The following LNX1 variants were observed in gnomAD, a reference collection of about 807,000 sequenced individuals.
The protein encoded by LNX1 is E3 ubiquitin-protein ligase LNX.
Under a neutral mutation model 68.4 loss-of-function variants are expected in LNX1, and 54 were observed. The ratio of observed to expected loss-of-function variants is 0.79; its 90% CI spans 0.63 to 0.99. The LOEUF is 0.99. Among genes scored for constraint, LNX1 ranks in the 50% least tolerant of loss-of-function variants. The pLI is 0.00. For missense variants in LNX1, 906 were observed against 926.4 expected, an observed-to-expected ratio of 0.98 and a Z score of 0.29; for synonymous variants, 336 against 350.0, an observed-to-expected ratio of 0.96 and a Z score of 0.45.
intron 9 of LNX1, among the ~76,000 whole-genome samples, chr4:53,472,419 A>G (rs574847423): frequency 6.6e-6 from 1 of 152,170 alleles, no homozygotes; most frequent in Non-Finnish European, 1.5e-5. Context: ...GCACACCAGC[A>G]TGGCACATGT....
chr4:53,593,733 A>G (rs1732619319), upstream of LNX1: 1 of 151,982 alleles, frequency 6.6e-6, no homozygotes, highest in African/African-American at 2.4e-5. Flanking sequence ...AAACTACTAG[A>G]AAAAAATGTA....
chr4:53,461,313 C>T (rs371432033), intron 10 of LNX1, 122 bp downstream of exon 10: 20 of 811,140 alleles, frequency 2.5e-5, no homozygotes, highest in Admixed American at 5.5e-5. Context: ...TTGAATGCTA[C>T]GTACATACTT....
intron 2 of LNX1, among the ~76,000 whole-genome samples, chr4:53,561,521 T>C (rs6854868): frequency 0.98 from 149,835 of 152,270 alleles, 73,766 homozygotes; most frequent in Middle Eastern, 1. Flanking sequence ...CCACTGTGCC[T>C]GGCCCTCCGT....
chr4:53,478,367 C>A (rs1723698730), intron 8 of LNX1, among the ~76,000 whole-genome samples, 198 bp downstream of exon 8: 1 of 150,658 alleles, frequency 6.6e-6, no homozygotes, highest in Admixed American at 6.6e-5. Flanking sequence ...TACTTGCAGG[C>A]AAGTTGGCCT....
At chr4:53,472,757 C>T (rs1254595777) in intron 9 of LNX1, among the ~76,000 whole-genome samples, 10 of 149,518 alleles carry the variant, frequency 6.7e-5, no homozygotes, top group Admixed American at 3.3e-4. Flanking sequence ...ACGTGAAAGC[C>T]GCCAAAGGTG....
chr4:53,479,039 C>T lies in LNX1; in HGVS notation c.1486-297G>A, dbSNP rs78861026. Among the ~76,000 whole-genome samples the T allele has an allele frequency of 3.6e-4, 55 of 152,202 alleles. No individual in the cohort carries two copies. The East Asian group carries it at 0.01, about 28-fold the overall frequency. On this transcript the variant is annotated intron_variant, in intron 7 of 10. Transcript: ENST00000263925. ...AAAGAGTAAAAATGGAGGAAGGAAC[C>T]GATTACAGACCATTAGAAAAATATA...
chr4:53,504,276 A>G (rs576403618), intron 4 of LNX1, among the ~76,000 whole-genome samples: 2 of 152,364 alleles, frequency 1.3e-5, no homozygotes, highest in East Asian at 3.9e-4. Flanking sequence ...TACAATCTGC[A>G]TTTGCTGCTT....
intron 2 of LNX1, among the ~76,000 whole-genome samples, chr4:53,529,019 T>C (rs1412493382): frequency 6.6e-6 from 1 of 151,646 alleles, no homozygotes; most frequent in Non-Finnish European, 1.5e-5. Context: ...AGTTCCAAGA[T>C]ACAGGGGTGT....
chr4:53,527,379 A>C (rs1205240681), intron 2 of LNX1, among the ~76,000 whole-genome samples: 1 of 152,188 alleles, frequency 6.6e-6, no homozygotes, highest in African/African-American at 2.4e-5. Context: ...ATGTGGTGTG[A>C]TGCTCCCTAT....
chr4:53,614,985 T>C (rs1405929290), intron 2 of LNX1, among the ~76,000 whole-genome samples: 16 of 152,202 alleles, frequency 1.1e-4, no homozygotes. Context: ...TGTTCATCTT[T>C]GAACACCGAG....
At chr4:53,513,699 C>T (rs937294122) in intron 2 of LNX1, among the ~76,000 whole-genome samples, 1 of 152,190 alleles carries the variant, frequency 6.6e-6, no homozygotes, top group African/African-American at 2.4e-5. Flanking sequence ...TTCATCATGG[C>T]TACTGCCACC....
At chr4:53,564,544 G>A (rs2082768) in intron 2 of LNX1, among the ~76,000 whole-genome samples, 2,754 of 152,308 alleles carry the variant, frequency 0.018, 70 homozygotes, top group African/African-American at 0.062. Context: ...TTATTCCCCA[G>A]AGATGTCCAG....
chr4:53,476,489 C>T (rs1050592394), intron 9 of LNX1, among the ~76,000 whole-genome samples: 9 of 152,170 alleles, frequency 5.9e-5, no homozygotes, highest in African/African-American at 2.2e-4. Flanking sequence ...ACAACCTACA[C>T]AGCTGTACAT....
At chr4:53,461,396 CAT>C (rs1722085297) in intron 10 of LNX1, 37 bp downstream of exon 10, 1 of 1,501,342 alleles carries the variant, frequency 6.7e-7, no homozygotes, top group Non-Finnish European at 9.2e-7. Flanking sequence ...TATGAAACAA[CAT>C]TTAATACAAG....
Position 53,564,543 on chromosome 4 carries a change from A to G in LNX1, c.380+9080T>C, listed in dbSNP as rs528029098. The stretch of plus-strand genomic sequence containing the variant: ...GGGGTGGGCAGAATAATTATTCCCC[A>G]GAGATGTCCAGCTCCTAATCCTCAG... On this transcript the variant is annotated intron_variant, in intron 2 of 10. Transcript: ENST00000263925. 6.8e-4 allele frequency among the ~76,000 whole-genome samples: 103 copies of G among 152,326 alleles called. 2 individuals carry two copies. The South Asian group carries it at 0.011, about 17-fold the overall frequency.
At chr4:53,547,716 A>G (rs1729205720) in intron 2 of LNX1, among the ~76,000 whole-genome samples, 1 of 152,186 alleles carries the variant, frequency 6.6e-6, no homozygotes, top group Admixed American at 6.5e-5. Flanking sequence ...AGAGTTAAAC[A>G]TGGGAGAAGT....
intron 4 of LNX1, among the ~76,000 whole-genome samples, chr4:53,502,798 G>A (rs1222246207): frequency 6.6e-6 from 1 of 152,076 alleles, no homozygotes; most frequent in Non-Finnish European, 1.5e-5. Flanking sequence ...ATCCTTTGTT[G>A]TCGTTTCAAC....
At chr4:53,544,487 T>C (rs6823039) in intron 2 of LNX1, among the ~76,000 whole-genome samples, 63,801 of 151,554 alleles carry the variant, frequency 0.42, 13,757 homozygotes, top group East Asian at 0.62. Context: ...AGCCACCATG[T>C]CCGGCCTGAG....
At chr4:53,528,553 T>C (rs1727791727) in intron 2 of LNX1, among the ~76,000 whole-genome samples, 1 of 152,234 alleles carries the variant, frequency 6.6e-6, no homozygotes, top group Non-Finnish European at 1.5e-5. Context: ...TCTCTTCCTG[T>C]GCCTAATTTA....
Sources: gnomAD v4.1 joint callset for allele counts (sites outside exome capture counted in the v4.1 genomes callset) on GRCh38, gnomAD v4.1.1 for gene constraint, MANE v1.5 for transcripts, NCBI Gene and HGNC (gene_info 2026-07-23, HGNC 2026-07-21) for gene names.